NDUFA10: variants seen among roughly 807,000 people sequenced by gnomAD.
NDUFA10 encodes NADH:ubiquinone oxidoreductase subunit A10, also known as NADH dehydrogenase [ubiquinone] 1 alpha subcomplex subunit 10, mitochondrial.
NDUFA10 carries 40 observed loss-of-function variants against 47.8 expected under a neutral mutation model. That is an observed-to-expected ratio of 0.84 (90% CI 0.65 to 1.09). The LOEUF (loss-of-function observed/expected upper bound fraction) is 1.09. Among genes scored for constraint, NDUFA10 ranks in the 50% least tolerant of loss-of-function variants. The pLI is 0.00. For synonymous variants in NDUFA10, 183 were observed against 172.2 expected (o/e 1.06, Z -0.49); for missense variants, 413 against 451.1 (o/e 0.92, Z 0.76).
chr2:240,011,815 C>T (rs1350627933), intron 5 of NDUFA10, 119 bp from the exon 6 acceptor site: 1 of 868,218 alleles, frequency 1.2e-6, no homozygotes, highest in Non-Finnish European at 1.9e-6. Flanking sequence ...TCACACCGGG[C>T]ACTGTGGGGA....
intron 8 of NDUFA10, among the ~76,000 whole-genome samples, chr2:239,991,065 C>T (rs538657337): frequency 1.3e-5 from 2 of 152,264 alleles, no homozygotes; most frequent in South Asian, 2.1e-4. Flanking sequence ...ATCTGGCTCT[C>T]GGCCAGACTT....
rs1693649190 is a variant in NDUFA10, at chr2:239,906,025, C to T, written c.295-10711G>A. 6.6e-6 allele frequency among the ~76,000 whole-genome samples: 1 copy of T among 152,106 alleles called. No homozygotes were observed. The highest frequency in any genetic ancestry group is 2.4e-5 in the African/African-American group (1 of 41,414). On this transcript the variant is annotated intron_variant, in intron 4 of 5. Transcript: ENST00000419408. The surrounding 1 kb of genome is among the most constrained non-coding windows in gnomAD (Gnocchi z 4.3). Reference sequence around the variant, plus strand: ...CCTCCTGTGGTGGGATCAGAATTCCCCTAAGGAATTCCTGGAGCCCTGAGG... The same window carrying T: ...CCTCCTGTGGTGGGATCAGAATTCCTCTAAGGAATTCCTGGAGCCCTGAGG...
chr2:240,018,295 G>C lies in NDUFA10; in HGVS notation c.547+258C>G, dbSNP rs1055174421. 13 of 1,017,690 alleles carry C rather than the reference G, an allele frequency of 1.3e-5. No individual in the cohort carries two copies. The African/African-American group carries it at 1.9e-4, about 15-fold the overall frequency. The allele number at this position is 1,017,690 out of a possible 1,614,324, so 63.0% of individuals were successfully genotyped here. On this transcript the variant is annotated intron_variant, in intron 4 of 9. Coordinates refer to ENST00000252711, the MANE Select transcript of NDUFA10 (RefSeq NM_004544.4). ...GGAGGCTGTGGGGGCTGCACTTTAA[G>C]CTGCGTGTGTTTGAGGTCCAGGGCT...
chr2:240,004,581 C>T (rs1180455248), intron 8 of NDUFA10, among the ~76,000 whole-genome samples: 1 of 151,596 alleles, frequency 6.6e-6, no homozygotes, highest in Non-Finnish European at 1.5e-5. Context: ...GCCTCCCCTC[C>T]TAGTCCTGCC....
intron 4 of NDUFA10, among the ~76,000 whole-genome samples, chr2:239,900,695 G>A (rs1424521997): frequency 2.0e-5 from 3 of 152,160 alleles, no homozygotes; most frequent in South Asian, 2.1e-4. Flanking sequence ...TGGCATTGCC[G>A]ATATGGAGAA....
At chr2:239,927,281 T>C (rs1046525281) in intron 4 of NDUFA10, among the ~76,000 whole-genome samples, 2 of 152,194 alleles carry the variant, frequency 1.3e-5, no homozygotes, top group African/African-American at 4.8e-5. Flanking sequence ...AGCTGTAACA[T>C]GTATTTTAAG....
chr2:239,975,815 C>A (rs1276107220), intron 9 of NDUFA10, among the ~76,000 whole-genome samples: 2 of 152,134 alleles, frequency 1.3e-5, no homozygotes, highest in East Asian at 1.9e-4. Context: ...TAAGTGCCTC[C>A]TGGATCAAGC....
rs1176172428 is a variant in NDUFA10 at position 239,912,258 on chromosome 2, TCTC to T, written c.295-16947_295-16945del. On this transcript the variant is annotated intron_variant, in intron 4 of 5. Coordinates refer to the NDUFA10 transcript ENST00000419408. ...GAATAAGGCTGCCTACCTGGGAACATCTCCTCCAGGATTCTGGCTAGGCTCCCA... is the reference window on the plus strand; with the variant it reads ...GAATAAGGCTGCCTACCTGGGAACATCTCCAGGATTCTGGCTAGGCTCCCA... Among the ~76,000 whole-genome samples, 52 of 152,200 alleles carry T rather than the reference TCTC, an allele frequency of 3.4e-4. 1 individual carries two copies. Among genetic ancestry groups the T allele is most frequent in the African/African-American group, 1.2e-3 (51 of 41,538 alleles).
intron 9 of NDUFA10, among the ~76,000 whole-genome samples, chr2:239,981,901 T>TAA (rs4149565): frequency 6.9e-6 from 1 of 144,610 alleles, no homozygotes; most frequent in Admixed American, 6.9e-5. Flanking sequence ...TTTTCAACAT[T>TAA]AAAAAAAAAA....
chr2:239,899,458 G>A (rs1401253968), intron 4 of NDUFA10, among the ~76,000 whole-genome samples: 2 of 149,006 alleles, frequency 1.3e-5, no homozygotes, highest in East Asian at 2.0e-4. Context: ...TGTGATGGAG[G>A]GGTGTGACGG....
chr2:239,964,956 C>T (rs1430395503), intron 9 of NDUFA10, among the ~76,000 whole-genome samples: 4 of 152,268 alleles, frequency 2.6e-5, no homozygotes, highest in African/African-American at 7.2e-5. Context: ...TCTCTTAAGA[C>T]GCCCTGGGTC....
chr2:239,975,468 G>A (rs1574835719), intron 9 of NDUFA10, among the ~76,000 whole-genome samples: 1 of 152,232 alleles, frequency 6.6e-6, no homozygotes, highest in African/African-American at 2.4e-5. Context: ...TGGCCGCCCG[G>A]CCACACTTGC....
Position 240,007,363 on chromosome 2 carries a change from A to G in NDUFA10, c.757T>C (p.Cys253Arg). 6.3e-7 allele frequency: 1 copy of G among 1,587,478 alleles called. No individual in the cohort carries two copies. The highest frequency in any genetic ancestry group is 1.1e-5 in the South Asian group (1 of 90,538). Residue 253 changes from cysteine (C) to arginine (R), a missense_variant, in exon 7 of 10, where the codon TGT (cysteine) becomes CGT (arginine). By Grantham distance (180) the Cys-to-Arg change is radical. Coordinates refer to ENST00000252711, the MANE Select transcript of NDUFA10 (RefSeq NM_004544.4). ...CTTGCAGAATATTGTAAAACCTCACATTTTTCACTGTAAGAAAAAACAAGA... is the reference window on the plus strand; with the variant it reads ...CTTGCAGAATATTGTAAAACCTCACGTTTTTCACTGTAAGAAAAAACAAGA... ...KTFLPEMSEKCEVLQYSAREA... is the reference protein window; with the variant it reads ...KTFLPEMSEKREVLQYSAREA...
intron 4 of NDUFA10, among the ~76,000 whole-genome samples, chr2:239,900,800 T>C (rs1693530346): frequency 6.6e-6 from 1 of 152,172 alleles, no homozygotes. Flanking sequence ...TCTGTGACGG[T>C]AAAGCTAGAG....
chr2:239,969,254 AAT>A (rs1208004674), intron 9 of NDUFA10, among the ~76,000 whole-genome samples: 1 of 152,240 alleles, frequency 6.6e-6, no homozygotes, highest in Non-Finnish European at 1.5e-5. Flanking sequence ...CTAAGAATTA[AAT>A]GAAAAACATA....
At chr2:239,905,581 C>CG (rs1344308358) in intron 4 of NDUFA10, among the ~76,000 whole-genome samples, 1 of 152,166 alleles carries the variant, frequency 6.6e-6, no homozygotes, top group South Asian at 2.1e-4. Context: ...GCTGCCGCGT[C>CG]GGGGGGTTTA....
intron 5 of NDUFA10, 26 bp from the exon 6 acceptor site, chr2:240,011,722 TG>T: frequency 6.4e-7 from 1 of 1,563,702 alleles, no homozygotes; most frequent in South Asian, 1.1e-5. Flanking sequence ...AAAATCAAAC[TG>T]GGAAACATTT....
In NDUFA10 at chr2:239,911,668, A is replaced by AGTGTGT. The variant is rs1209330426; in HGVS notation, c.295-16355_295-16354insACACAC. 4.2e-3 allele frequency among the ~76,000 whole-genome samples: 329 copies of AGTGTGT among 79,264 alleles called. 2 individuals are homozygous for AGTGTGT. Among genetic ancestry groups the AGTGTGT allele is most frequent in the African/African-American group, 0.013 (308 of 24,048 alleles). The allele number at this position is 79,264 out of a possible 152,430, so 52.0% of individuals were successfully genotyped here. ...CCCAGCCCAGACACCAAAACATGAG[A>AGTGTGT]GAGTGTGTGTGCGTGTGTGTGTGTG... On this transcript the variant is annotated intron_variant, in intron 4 of 5. Coordinates refer to the NDUFA10 transcript ENST00000419408.
At chr2:240,019,515 A>G (rs548023624) in intron 3 of NDUFA10, among the ~76,000 whole-genome samples, 1 of 152,308 alleles carries the variant, frequency 6.6e-6, no homozygotes, top group South Asian at 2.1e-4. Flanking sequence ...AGGGTTGAAG[A>G]ATGCTTTAAA....
Sources: gnomAD v4.1 joint callset for allele counts (sites outside exome capture counted in the v4.1 genomes callset) on GRCh38, gnomAD v4.1.1 for gene constraint, Gnocchi (gnomAD v3.1) non-coding constraint, MANE v1.5 for transcripts, NCBI Gene and HGNC (gene_info 2026-07-23, HGNC 2026-07-21) for gene names.